CSE1L: variants seen among roughly 807,000 people sequenced by gnomAD.
CSE1L encodes the protein chromosome segregation 1 like.
A neutral mutation model predicts 120.4 loss-of-function variants in CSE1L; 24 were observed. The ratio of observed to expected loss-of-function variants is 0.20; its 90% CI spans 0.14 to 0.28. The LOEUF (loss-of-function observed/expected upper bound fraction) is 0.28, where lower values mean the gene tolerates loss of function less well. CSE1L is among the 10% of genes least tolerant of loss of function. CSE1L has a pLI of 1.00. For missense variants in CSE1L, 830 were observed against 1,145.2 expected (o/e 0.72, Z 3.97); for synonymous variants, 402 against 398.3 (o/e 1.01, Z -0.11).
At chr20:49,078,458 T>C in intron 13 of CSE1L, 103 bp from the exon 14 acceptor site, 1 of 753,206 alleles carries the variant, frequency 1.3e-6, no homozygotes, top group South Asian at 1.7e-5. Flanking sequence ...GTGCTTTAAT[T>C]ACTTGACATT....
At chr20:49,076,518 CTCT>C (rs2091969582) in intron 12 of CSE1L, among the ~76,000 whole-genome samples, 1 of 129,180 alleles carries the variant, frequency 7.7e-6, no homozygotes, top group East Asian at 2.4e-4. Context: ...GTCCCTCTCT[CTCT>C]TTTTTTTTTT....
chr20:49,052,167 T>G (rs2091771036), intron 1 of CSE1L, among the ~76,000 whole-genome samples: 1 of 152,336 alleles, frequency 6.6e-6, no homozygotes, highest in East Asian at 1.9e-4. Context: ...GACTGGAAAC[T>G]CATGTTTTGC....
intron 14 of CSE1L, among the ~76,000 whole-genome samples, chr20:49,080,806 C>G (rs1403379582): frequency 6.6e-6 from 1 of 152,088 alleles, no homozygotes; most frequent in African/African-American, 2.4e-5. Context: ...CAAAGTCTTA[C>G]AGTCTGTTGG....
intron 11 of CSE1L, 121 bp from the exon 12 acceptor site, chr20:49,075,196 CT>C (rs1329586835): frequency 3.0e-5 from 24 of 801,224 alleles, no homozygotes; most frequent in Non-Finnish European, 3.6e-5. Flanking sequence ...GTTTTTCGTT[CT>C]TTTTTTTCCG....
At chr20:49,068,499 T>TGAGGCAGGAGAATGGTGTG (rs1398931417) in intron 6 of CSE1L, among the ~76,000 whole-genome samples, 1 of 152,102 alleles carries the variant, frequency 6.6e-6, no homozygotes, top group Non-Finnish European at 1.5e-5. Flanking sequence ...CTTGGGAGGC[T>TGAGGCAGGAGAATGGTGTG]GAGGCAGGAG....
chr20:49,075,119 G>T (rs2091959968), intron 11 of CSE1L, among the ~76,000 whole-genome samples, 199 bp from the exon 12 acceptor site: 1 of 151,686 alleles, frequency 6.6e-6, no homozygotes, highest in Admixed American at 6.6e-5. Flanking sequence ...TTTTGATTTT[G>T]TATTTCTTGG....
At chr20:49,069,733 G>T (rs765483774) in intron 7 of CSE1L, among the ~76,000 whole-genome samples, 1 of 152,168 alleles carries the variant, frequency 6.6e-6, no homozygotes, top group African/African-American at 2.4e-5. Context: ...AACTTGTCTG[G>T]CAGGGAGACC....
intron 1 of CSE1L, among the ~76,000 whole-genome samples, chr20:49,054,066 T>C (rs568566147): frequency 1.4e-4 from 21 of 152,280 alleles, no homozygotes; most frequent in African/African-American, 5.1e-4. Flanking sequence ...TCCAAACTTG[T>C]GATATAAAAA....
chr20:49,071,527 A>AGGCT (rs1384286855), intron 8 of CSE1L, among the ~76,000 whole-genome samples: 6 of 152,128 alleles, frequency 3.9e-5, no homozygotes, highest in Non-Finnish European at 7.3e-5. Flanking sequence ...TCTGTCACCA[A>AGGCT]GGCTGGAGTG....
At chr20:49,057,473 A>G (rs1379746360) in intron 1 of CSE1L, among the ~76,000 whole-genome samples, 14 of 66,420 alleles carry the variant, frequency 2.1e-4, no homozygotes, top group South Asian at 8.3e-4. Flanking sequence ...TTTTTTTTTT[A>G]AGACAGGTCT....
chr20:49,056,847 C>CTGTGTGTGTGTG (rs3223230), intron 1 of CSE1L, among the ~76,000 whole-genome samples: 5 of 148,980 alleles, frequency 3.4e-5, no homozygotes, highest in African/African-American at 7.4e-5. Flanking sequence ...ACTTCACATG[C>CTGTGTGTGTGTG]TGTGTGTGTG....
Position 49,092,253 on chromosome 20 carries a change from C to T in CSE1L, c.2447+126C>T. ...GTATGGAGATAGTGTCTATGGTTTTCAAAATATTCTTAGGTATTGGGAGTA... is the reference window on the plus strand; with the variant it reads ...GTATGGAGATAGTGTCTATGGTTTTTAAAATATTCTTAGGTATTGGGAGTA... On this transcript the variant is annotated intron_variant, in intron 22 of 24. Transcript: ENST00000262982. 5 of 575,320 alleles carry T rather than the reference C, an allele frequency of 8.7e-6. No individual in the cohort carries two copies. The Admixed American group carries it at 1.5e-4, about 17-fold the overall frequency. 35.6% of individuals were successfully genotyped at this position (575,320 alleles called of 1,614,324 possible).
intron 3 of CSE1L, among the ~76,000 whole-genome samples, chr20:49,064,355 AAGAG>A (rs1329967134): frequency 6.6e-6 from 1 of 152,344 alleles, no homozygotes; most frequent in East Asian, 1.9e-4. Flanking sequence ...CATTCCATAA[AAGAG>A]AGAGTAAATA....
chr20:49,084,229 T>C (rs1278597685), intron 15 of CSE1L, 67 bp downstream of exon 15: 3 of 1,424,874 alleles, frequency 2.1e-6, no homozygotes, highest in South Asian at 1.4e-5. Flanking sequence ...CAAAGATATC[T>C]GAATGTTTTC....
intron 2 of CSE1L, among the ~76,000 whole-genome samples, chr20:49,061,167 A>ATT (rs3092068): frequency 0.027 from 3,149 of 116,264 alleles, 64 homozygotes; most frequent in South Asian, 0.067. Flanking sequence ...ACTATTAAAA[A>ATT]TTTTTTTTTT....
intron 1 of CSE1L, among the ~76,000 whole-genome samples, chr20:49,046,768 G>T (rs1483962593): frequency 6.6e-6 from 1 of 152,218 alleles, no homozygotes; most frequent in South Asian, 2.1e-4. Flanking sequence ...CCGCCTCTCC[G>T]CTCGGGAAGG....
At chr20:49,058,647 T>A (rs2091827735) in intron 2 of CSE1L, 99 bp downstream of exon 2, 4 of 871,956 alleles carry the variant, frequency 4.6e-6, no homozygotes, top group Non-Finnish European at 7.1e-6. Context: ...TTTAAAAAAT[T>A]CATACTTGGG....
intron 19 of CSE1L, among the ~76,000 whole-genome samples, chr20:49,090,528 CCT>C (rs1201306041): frequency 6.6e-6 from 1 of 152,082 alleles, no homozygotes; most frequent in Non-Finnish European, 1.5e-5. Context: ...TGCACTCTAG[CCT>C]GGGCAACAAG....
chr20:49,092,958 C>G (rs922018595), intron 22 of CSE1L, among the ~76,000 whole-genome samples: 1 of 152,114 alleles, frequency 6.6e-6, no homozygotes, highest in Non-Finnish European at 1.5e-5. Flanking sequence ...AATAAATTAA[C>G]TTTGTTTTTG....
Sources: allele counts gnomAD v4.1 joint callset (sites outside exome capture counted in the v4.1 genomes callset), GRCh38; gene constraint gnomAD v4.1.1; transcripts MANE v1.5; gene names NCBI Gene and HGNC (gene_info 2026-07-23, HGNC 2026-07-21).